The following RBMS1 variants were observed in gnomAD, a reference collection of about 807,000 sequenced individuals.
The protein encoded by RBMS1 is RNA-binding motif, single-stranded-interacting protein 1.
In RBMS1, 17 loss-of-function variants were observed where a neutral mutation model predicts 62.3. That is an observed-to-expected ratio of 0.27 (90% confidence interval 0.19 to 0.41). The LOEUF (loss-of-function observed/expected upper bound fraction) is 0.41, where lower values mean the gene tolerates loss of function less well. Ranked by LOEUF, RBMS1 falls within the 10% of genes least tolerant of loss-of-function variation. The probability of loss-of-function intolerance (pLI) is 1.00; values close to 1 mark genes in which losing one functional copy is unlikely to be tolerated. For synonymous variants in RBMS1, 172 were observed against 170.0 expected (o/e 1.01, Z -0.09); for missense variants, 334 against 504.5 (o/e 0.66, Z 3.24).
intron 1 of RBMS1, among the ~76,000 whole-genome samples, chr2:160,439,545 G>A (rs1384660516): frequency 2.0e-5 from 3 of 151,854 alleles, no homozygotes; most frequent in Non-Finnish European, 4.4e-5. Context: ...ATGGCGGCCG[G>A]GCAGAGACGC....
At chr2:160,349,392 T>C (rs978339771) in intron 2 of RBMS1, among the ~76,000 whole-genome samples, 2 of 152,026 alleles carry the variant, frequency 1.3e-5, no homozygotes, top group East Asian at 1.9e-4. Context: ...TAACAATAAA[T>C]AGATGAAAAA....
At chr2:160,325,155 T>A (rs1690853968) in intron 2 of RBMS1, among the ~76,000 whole-genome samples, 1 of 151,858 alleles carries the variant, frequency 6.6e-6, no homozygotes, top group African/African-American at 2.4e-5. Flanking sequence ...CCACAGACTG[T>A]GCCACAGATT....
intron 1 of RBMS1, among the ~76,000 whole-genome samples, chr2:160,464,929 G>T (rs532938625): frequency 6.6e-6 from 1 of 152,300 alleles, no homozygotes; most frequent in South Asian, 2.1e-4. Flanking sequence ...TATTGTCCAA[G>T]AATAATTGCA....
chr2:160,336,468 A>C (rs1421311017), intron 2 of RBMS1, among the ~76,000 whole-genome samples: 1 of 152,068 alleles, frequency 6.6e-6, no homozygotes, highest in Non-Finnish European at 1.5e-5. Flanking sequence ...GAAGAAACCA[A>C]ATACACATTC....
At chr2:160,293,700 G>A (rs1249719920) in intron 6 of RBMS1, among the ~76,000 whole-genome samples, 1 of 152,162 alleles carries the variant, frequency 6.6e-6, no homozygotes, top group African/African-American at 2.4e-5. Flanking sequence ...GGGGAGAGGT[G>A]TTTGTGCAGG....
rs183135326 is a variant in RBMS1, at chr2:160,481,497, G to A, written c.75+11792C>T. Among the ~76,000 whole-genome samples, 541 of 151,916 alleles carry A rather than the reference G, an allele frequency of 3.6e-3. 2 individuals carry two copies. Among genetic ancestry groups the A allele is most frequent in the African/African-American group, 0.012 (507 of 41,416 alleles). ...TTATATTTATTAAAACTATCAATCAGAGAGTAAAAAGGAAAACTGAAAATT... is the reference window on the plus strand; with the variant it reads ...TTATATTTATTAAAACTATCAATCAAAGAGTAAAAAGGAAAACTGAAAATT... On this transcript the variant is annotated intron_variant, in intron 1 of 13. Coordinates refer to ENST00000348849, the MANE Select transcript of RBMS1 (RefSeq NM_016836.4).
At chr2:160,455,746 C>G (rs933941580) in intron 1 of RBMS1, among the ~76,000 whole-genome samples, 32 of 144,708 alleles carry the variant, frequency 2.2e-4, no homozygotes, top group African/African-American at 7.0e-4. Flanking sequence ...TGCAGTGGCG[C>G]GATCTCGGCT....
At chr2:160,287,220 C>A (rs1430694844) in intron 6 of RBMS1, 136 bp from the exon 7 acceptor site, 1 of 1,117,374 alleles carries the variant, frequency 8.9e-7, no homozygotes, top group East Asian at 2.4e-5. Context: ...GCAGTTTACT[C>A]AGACCTTTGT....
intron 1 of RBMS1, chr2:160,407,992 G>A: frequency 1.1e-6 from 1 of 900,314 alleles, no homozygotes; most frequent in Non-Finnish European, 1.3e-6. Flanking sequence ...CCGCCCGCTG[G>A]GCGCGGCGCC....
intron 2 of RBMS1, among the ~76,000 whole-genome samples, chr2:160,356,024 C>G (rs568460525): frequency 6.6e-6 from 1 of 152,252 alleles, no homozygotes; most frequent in South Asian, 2.1e-4. Context: ...TACAGCAAAA[C>G]TATAATGTTC....
Position 160,350,846 on chromosome 2 carries a change from T to C in RBMS1, c.251+16370A>G, listed in dbSNP as rs565224358. On this transcript the variant is annotated intron_variant, in intron 2 of 13. Coordinates refer to ENST00000348849, the MANE Select transcript of RBMS1 (RefSeq NM_016836.4). ...CATGTGTCTTTATAGCAGCATGATT[T>C]AGAATCCTTTGGGTATATACCCAGT... 2.7e-4 allele frequency among the ~76,000 whole-genome samples: 41 copies of C among 152,282 alleles called. No homozygotes were observed. The South Asian group carries it at 5.8e-3, about 22-fold the overall frequency.
chr2:160,461,459 AGGGACAGGAATGAC>A (rs1291868487), intron 1 of RBMS1, among the ~76,000 whole-genome samples: 2 of 152,116 alleles, frequency 1.3e-5, no homozygotes, highest in African/African-American at 4.8e-5. Flanking sequence ...CAGTAAGTGG[AGGGACAGGAATGAC>A]TTCCTGTCCC....
intron 1 of RBMS1, among the ~76,000 whole-genome samples, chr2:160,450,464 C>G (rs1339458054): frequency 6.7e-6 from 1 of 149,412 alleles, no homozygotes; most frequent in East Asian, 2.0e-4. Context: ...CGCTTGAACC[C>G]AGAGGGCGGA....
At chr2:160,375,170 G>C (rs1054730406) in intron 1 of RBMS1, among the ~76,000 whole-genome samples, 1 of 152,166 alleles carries the variant, frequency 6.6e-6, no homozygotes, top group African/African-American at 2.4e-5. Flanking sequence ...ACAGAGCCCA[G>C]TCAGGACCTT....
chr2:160,427,741 A>G (rs1682698258), intron 1 of RBMS1, among the ~76,000 whole-genome samples: 1 of 152,224 alleles, frequency 6.6e-6, no homozygotes, highest in African/African-American at 2.4e-5. Context: ...TCATCTCAGC[A>G]GGGTGCCTGT....
In RBMS1 at chr2:160,493,554, C is replaced by CTCCTCCTCCTCCTCCTCT. The variant is rs1401765951; in HGVS notation, c.-209_-192dup. On this transcript the variant is annotated 5_prime_UTR_variant, in exon 1 of 14. Transcript: ENST00000348849. ...CCTCCTCCTCCTCTTCCTCCTCCTCCTCCTCCTCCTCCTCCTCTTCCTCCT... is the reference window on the plus strand; with the variant it reads ...CCTCCTCCTCCTCTTCCTCCTCCTCCTCCTCCTCCTCCTCCTCTTCCTCCTCCTCCTCCTCTTCCTCCT... The CTCCTCCTCCTCCTCCTCT allele has an allele frequency of 2.9e-5, 18 of 619,764 alleles. No homozygotes were observed. The highest frequency in any genetic ancestry group is 1.2e-4 in the African/African-American group (6 of 51,496). The allele number at this position is 619,764 out of a possible 1,614,324, so 38.4% of individuals were successfully genotyped here.
chr2:160,294,433 C>T (rs1478280484), intron 6 of RBMS1, among the ~76,000 whole-genome samples: 1 of 152,154 alleles, frequency 6.6e-6, no homozygotes. Context: ...ATGAGGGACC[C>T]AGCCATGCCA....
chr2:160,351,876 C>T (rs1406497332), intron 2 of RBMS1, among the ~76,000 whole-genome samples: 1 of 152,086 alleles, frequency 6.6e-6, no homozygotes, highest in Non-Finnish European at 1.5e-5. Context: ...GGTAGTCAAA[C>T]AGAGAGCATG....
intron 1 of RBMS1, among the ~76,000 whole-genome samples, chr2:160,403,124 TTTTCAAATGG>T (rs1193692904): frequency 6.6e-6 from 1 of 152,106 alleles, no homozygotes; most frequent in East Asian, 1.9e-4. Flanking sequence ...AATTGTACAG[TTTTCAAATGG>T]CTATGTATGG....
Sources: gnomAD v4.1 joint callset for allele counts (sites outside exome capture counted in the v4.1 genomes callset) on GRCh38, gnomAD v4.1.1 for gene constraint, MANE v1.5 for transcripts, NCBI Gene and HGNC (gene_info 2026-07-23, HGNC 2026-07-21) for gene names.